The following CREB5 variants were observed in gnomAD, a reference collection of about 807,000 sequenced individuals.
CREB5 encodes cyclic AMP-responsive element-binding protein 5.
CREB5 carries 19 observed loss-of-function variants against 57.1 expected under a neutral mutation model. That is an observed-to-expected ratio of 0.33 (90% CI 0.23 to 0.49). CREB5 has a LOEUF of 0.49. Among genes scored for constraint, CREB5 ranks in the 20% least tolerant of loss-of-function variants. The pLI, the probability that CREB5 is intolerant of heterozygous loss-of-function variation, is 0.99. For synonymous variants in CREB5, 238 were observed against 238.3 expected (o/e 1.00, Z 0.01); for missense variants, 579 against 671.6 (o/e 0.86, Z 1.52).
At chr7:28,303,240 G>A (rs1246458615) in intron 1 of CREB5, among the ~76,000 whole-genome samples, 1 of 151,944 alleles carries the variant, frequency 6.6e-6, no homozygotes, top group Non-Finnish European at 1.5e-5. Flanking sequence ...TTATTTATTT[G>A]GGTAAGTGCG....
chr7:28,604,704 ATTGT>A (rs1797045201), intron 5 of CREB5, among the ~76,000 whole-genome samples: 1 of 151,866 alleles, frequency 6.6e-6, no homozygotes. Context: ...TATCATGTTG[ATTGT>A]TTTCTGTTTC....
At chr7:28,507,411 A>G (rs1413775590) in intron 3 of CREB5, among the ~76,000 whole-genome samples, 2 of 152,236 alleles carry the variant, frequency 1.3e-5, no homozygotes, top group African/African-American at 2.4e-5. Flanking sequence ...CGCAGACTAC[A>G]GCCTTCTGTC....
chr7:28,531,545 T>G (rs1793728321), intron 4 of CREB5, among the ~76,000 whole-genome samples: 1 of 152,122 alleles, frequency 6.6e-6, no homozygotes. Context: ...CTTAACTAAT[T>G]ACATCTGTGA....
chr7:28,591,235 T>C (rs1796502437), intron 5 of CREB5, among the ~76,000 whole-genome samples: 1 of 152,154 alleles, frequency 6.6e-6, no homozygotes, highest in African/African-American at 2.4e-5. Context: ...GGGTCTTCCT[T>C]TGTAGCTTGA....
chr7:28,555,955 A>G (rs1417557119), intron 4 of CREB5, among the ~76,000 whole-genome samples: 1 of 152,210 alleles, frequency 6.6e-6, no homozygotes, highest in Non-Finnish European at 1.5e-5. Context: ...AATGTTATAG[A>G]ATGTTCCAGT....
At chr7:28,334,614 A>G (rs1026776662) in intron 1 of CREB5, among the ~76,000 whole-genome samples, 16 of 152,156 alleles carry the variant, frequency 1.1e-4, no homozygotes, top group African/African-American at 3.9e-4. Context: ...GGTCAGATGC[A>G]TAGTTTGCAA....
chr7:28,743,838 C>CTTTTTT (rs58302393), intron 7 of CREB5, among the ~76,000 whole-genome samples: 5,431 of 73,774 alleles, frequency 0.074, 1 homozygote, highest in African/African-American at 0.1. Context: ...ATCTCCTTTT[C>CTTTTTT]TTTTTTTTTT....
At chr7:28,536,121 G>C (rs1371835376) in intron 4 of CREB5, among the ~76,000 whole-genome samples, 2 of 152,148 alleles carry the variant, frequency 1.3e-5, no homozygotes, top group African/African-American at 4.8e-5. Flanking sequence ...AAAACACGCT[G>C]TCTGCCTATG....
intron 1 of CREB5, among the ~76,000 whole-genome samples, chr7:28,474,626 G>C (rs1011921535): frequency 6.6e-6 from 1 of 152,156 alleles, no homozygotes; most frequent in African/African-American, 2.4e-5. Flanking sequence ...CTACTACTTA[G>C]AACTGCGTTT....
At chr7:28,353,336 C>G (rs556994794) in intron 1 of CREB5, among the ~76,000 whole-genome samples, 1 of 152,152 alleles carries the variant, frequency 6.6e-6, no homozygotes, top group South Asian at 2.1e-4. Context: ...AAAGTCCTGT[C>G]CTAGATCCCA....
rs566981098 is a variant in CREB5, at chr7:28,400,553, A to G, written c.-24-94353A>G. Reference sequence around the variant, plus strand: ...GTAAGGGCATTGTTATGAAAGCTATAGGCAGAATATTTTAAAACCAGGAAG... The same window carrying G: ...GTAAGGGCATTGTTATGAAAGCTATGGGCAGAATATTTTAAAACCAGGAAG... On this transcript the variant is annotated intron_variant, in intron 1 of 9. Transcript: ENST00000396299. Among the ~76,000 whole-genome samples the G allele has an allele frequency of 9.6e-4, 147 of 152,340 alleles. 2 individuals carry two copies. The highest frequency in any genetic ancestry group is 3.4e-3 in the Middle Eastern group (1 of 294).
At chr7:28,496,991 G>T (rs1269983540) in intron 3 of CREB5, among the ~76,000 whole-genome samples, 3 of 152,176 alleles carry the variant, frequency 2.0e-5, no homozygotes, top group African/African-American at 7.2e-5. Context: ...GTTCATCAGT[G>T]AGCATAGATA....
At chr7:28,762,607 A>G (rs1805722116) in intron 7 of CREB5, among the ~76,000 whole-genome samples, 1 of 152,182 alleles carries the variant, frequency 6.6e-6, no homozygotes, top group Non-Finnish European at 1.5e-5. Flanking sequence ...TCTGTGCTTT[A>G]AACCTTCCCT....
intron 1 of CREB5, among the ~76,000 whole-genome samples, chr7:28,443,794 C>G (rs114531881): frequency 1.3e-5 from 2 of 152,122 alleles, no homozygotes; most frequent in African/African-American, 4.8e-5. Context: ...AATTCACTTA[C>G]GATGATGATG....
intron 4 of CREB5, among the ~76,000 whole-genome samples, chr7:28,536,943 G>T (rs896585896): frequency 1.3e-5 from 2 of 152,298 alleles, no homozygotes; most frequent in Middle Eastern, 6.8e-3. Flanking sequence ...TCCAAAAGTG[G>T]TACCACTGCT....
intron 5 of CREB5, among the ~76,000 whole-genome samples, chr7:28,712,473 A>T (rs1310522570): frequency 7.1e-6 from 1 of 141,696 alleles, no homozygotes. Flanking sequence ...ACACCCTTGC[A>T]CTCTAGCCTA....
At position 28,718,883 on chromosome 7, in the gene CREB5, A is replaced by C. The variant is rs767916864; in HGVS notation, c.591+4A>C. 6.2e-7 allele frequency: 1 copy of C among 1,614,040 alleles called. No homozygotes were observed. The highest frequency in any genetic ancestry group is 1.7e-5 in the Admixed American group (1 of 60,022). ...ATCTTCCGCCGTCTTGATGCCAGTA[A>C]GTGTTTCTGTGTGTCTCACAATAGC... On this transcript the variant is annotated splice_donor_region_variant and intron_variant, in intron 6 of 10. Transcript: ENST00000357727.
intron 1 of CREB5, among the ~76,000 whole-genome samples, chr7:28,475,347 G>C (rs917650096): frequency 7.1e-6 from 1 of 141,300 alleles, no homozygotes; most frequent in African/African-American, 2.7e-5. Context: ...GAGGTGGGAG[G>C]ATTGCTTGAG....
At chr7:28,561,017 C>CGTGCGTGTGCGT (rs1562798577) in intron 4 of CREB5, among the ~76,000 whole-genome samples, 4 of 30,478 alleles carry the variant, frequency 1.3e-4, no homozygotes, top group Admixed American at 2.7e-4. Context: ...TGTGTGTGTG[C>CGTGCGTGTGCGT]GTGTGTGCGT....
Sources: gnomAD v4.1 joint callset for allele counts (sites outside exome capture counted in the v4.1 genomes callset) on GRCh38, gnomAD v4.1.1 for gene constraint, MANE v1.5 for transcripts, NCBI Gene and HGNC (gene_info 2026-07-23, HGNC 2026-07-21) for gene names.